The following FASTK variants were observed in gnomAD, a reference collection of about 807,000 sequenced individuals.
FASTK encodes the protein Fas activated serine/threonine kinase, also known as fas-activated serine/threonine kinase.
In FASTK, 28 loss-of-function variants were observed where a neutral mutation model predicts 60.0. The observed-to-expected ratio is 0.47, with a 90% confidence interval of 0.35 to 0.64. The LOEUF (loss-of-function observed/expected upper bound fraction) is 0.64, where lower values mean the gene tolerates loss of function less well. FASTK is among the 30% of genes least tolerant of loss of function. The probability of loss-of-function intolerance (pLI) is 0.01; values close to 1 mark genes in which losing one functional copy is unlikely to be tolerated. For missense variants in FASTK, 595 were observed against 713.8 expected (o/e 0.83, Z 1.90); for synonymous variants, 325 against 307.9 (o/e 1.06, Z -0.58).
In FASTK at chr7:151,077,250, G is replaced by C; in HGVS notation, c.1292-14C>G. On this transcript the variant is annotated splice_polypyrimidine_tract_variant and intron_variant, in intron 7 of 9. Coordinates refer to ENST00000297532, the MANE Select transcript of FASTK (RefSeq NM_006712.5). ...ACAGCAGGAAGTCTGGAGGGGAGCA[G>C]GGCCGGCGGCCTTAGCCAGGGCTCC... The C allele has an allele frequency of 6.2e-7, 1 of 1,612,242 alleles. No individual in the cohort carries two copies. Among genetic ancestry groups the C allele is most frequent in the Non-Finnish European group, 8.5e-7 (1 of 1,179,322 alleles).
At chr7:151,078,457 G>A (rs556816835) in intron 4 of FASTK, 105 bp downstream of exon 4, 3 of 1,274,222 alleles carry the variant, frequency 2.4e-6, no homozygotes, top group Non-Finnish European at 2.2e-6. Context: ...GACAGAGAGG[G>A]TGTGTCTGCT....
Position 151,079,290 on chromosome 7 carries a change from T to C in FASTK, c.505+210A>G, listed in dbSNP as rs1585012324. ...ATTATGGTGGCTTCCTAGGGCACTCTATTAGCAGGAATCTGGGGTGGCACC... is the reference window on the plus strand; with the variant it reads ...ATTATGGTGGCTTCCTAGGGCACTCCATTAGCAGGAATCTGGGGTGGCACC... On this transcript the variant is annotated intron_variant, in intron 2 of 9. Coordinates refer to ENST00000297532, the MANE Select transcript of FASTK (RefSeq NM_006712.5). 3.0e-5 allele frequency: 18 copies of C among 608,378 alleles called. No homozygotes were observed. In the East Asian group the frequency reaches 5.2e-4, roughly 18 times the overall value. The allele number at this position is 608,378 out of a possible 1,614,324, so 37.7% of individuals were successfully genotyped here.
intron 1 of FASTK, 77 bp downstream of exon 1, chr7:151,080,608 C>A: frequency 7.3e-7 from 1 of 1,367,734 alleles, no homozygotes; most frequent in South Asian, 1.7e-5. Flanking sequence ...CCAGGGACGC[C>A]AGGAGACCGT....
chr7:151,077,808 G>A (rs751125233), intron 5 of FASTK, 28 bp from the exon 6 acceptor site: 25 of 1,594,076 alleles, frequency 1.6e-5, no homozygotes, highest in East Asian at 2.3e-5. Flanking sequence ...CTGGGGCTCT[G>A]GGCTGCAGGC....
rs1468627949 is a variant in FASTK, at chr7:151,076,842, G to C, written c.1543-10C>G. On this transcript the variant is annotated splice_polypyrimidine_tract_variant and intron_variant, in intron 9 of 9. Transcript: ENST00000297532. ...GTTCCTCGAAGGGTAGCTGTGGGGA[G>C]AGGAGAGGGCGGCAGGTTACCCGCA... The C allele has an allele frequency of 1.9e-6, 3 of 1,606,770 alleles. No individual in the cohort carries two copies. The highest frequency in any genetic ancestry group is 2.2e-5 in the East Asian group (1 of 44,768).
At position 151,077,705 on chromosome 7, in the gene FASTK, T is replaced by C; in HGVS notation, c.1115A>G (p.Tyr372Cys). 6.3e-7 allele frequency: 1 copy of C among 1,591,112 alleles called. No individual in the cohort carries two copies. The highest frequency in any genetic ancestry group is 1.1e-5 in the South Asian group (1 of 88,268). ...DTAVELELPGYRGPRLPRRQQ... is the reference protein window; with the variant it reads ...DTAVELELPGCRGPRLPRRQQ... ...CCTTCGGGGAAGGCGGGGACCCCGG[T>C]ATCCTGGGAGCTCCAGCTCCACGGC... is the stretch of plus-strand genomic sequence containing the variant. The change falls in exon 6 of 10, where the codon TAC becomes TGC. Residue 372 changes from tyrosine (Y) to cysteine (C), a missense_variant. Physicochemically the swap from Tyr to Cys is radical, Grantham distance 194. This residue lies in a region of FASTK where 471 missense variants were observed against 605.9 expected (regional missense o/e 0.78). Coordinates refer to ENST00000297532, the MANE Select transcript of FASTK (RefSeq NM_006712.5).
chr7:151,077,257 C>CGGCCTT (rs758134278), intron 7 of FASTK, 21 bp from the exon 8 acceptor site: 2 of 1,611,686 alleles, frequency 1.2e-6, no homozygotes, highest in East Asian at 4.5e-5. Flanking sequence ...GCAGGGCCGG[C>CGGCCTT]GGCCTTAGCC....
chr7:151,078,767 C>T (rs1797813294), intron 3 of FASTK, 66 bp from the exon 4 acceptor site: 1 of 1,609,912 alleles, frequency 6.2e-7, no homozygotes, highest in East Asian at 2.2e-5. Context: ...TCCACCTCAG[C>T]CCAGCCAACT....
intron 1 of FASTK, chr7:151,080,367 G>A (rs34104727): frequency 0.14 from 112,705 of 778,032 alleles, 9,316 homozygotes; most frequent in South Asian, 0.24. Context: ...AGGCGGCGGC[G>A]GCACAGAGGG....
chr7:151,077,267 C>T (rs950707927), intron 7 of FASTK, 31 bp from the exon 8 acceptor site: 6 of 1,611,690 alleles, frequency 3.7e-6, no homozygotes, highest in Non-Finnish European at 5.1e-6. Flanking sequence ...CGGCCTTAGC[C>T]AGGGCTCCGT....
At position 151,076,747 on chromosome 7, in the gene FASTK, C is replaced by G. The variant is rs768536789; in HGVS notation, c.1628G>C (p.Arg543Pro). 6.2e-7 allele frequency: 1 copy of G among 1,605,600 alleles called. No individual in the cohort carries two copies. Among genetic ancestry groups the G allele is most frequent in the Non-Finnish European group, 8.5e-7 (1 of 1,175,824 alleles). ...CCCTCAGCCCCCTTCAGGCCCCCAG[C>G]GCAGGCCCAGGGCCTGGAGCTTCTG... ...LRQKLQALGL[R>P]WGPEGG Residue 543 changes from arginine to proline, a missense_variant, in exon 10 of 10, where the codon CGC (arginine) becomes CCC (proline). Arg to Pro is a moderately radical substitution (Grantham distance 103). Transcript: ENST00000297532.
Position 151,078,959 on chromosome 7 carries a change from G to A in FASTK, c.568C>T (p.Pro190Ser), listed in dbSNP as rs1240072645. 1.3e-6 allele frequency: 2 copies of A among 1,559,112 alleles called. No individual in the cohort carries two copies. The highest frequency in any genetic ancestry group is 1.7e-6 in the Non-Finnish European group (2 of 1,157,900). The stretch of plus-strand genomic sequence containing the variant: ...GGCTGCAAAGGGGGAGGTGGCTTCG[G>A]AGGGAGGCGGAGCCTTCGCTCCTGT... ...LEQERRLRLP[P>S]KPPPPLQPLL... The change falls in exon 3 of 10, where the codon CCG becomes TCG. Residue 190 changes from proline to serine, a missense_variant. Physicochemically the swap from Pro to Ser is moderately conservative, Grantham distance 74. Around this residue, in one of 2 missense-constraint regions of FASTK, gnomAD observed 471 missense variants for 605.9 expected, o/e 0.78. Transcript: ENST00000297532.
At chr7:151,078,121 G>C (rs1360831877) in intron 4 of FASTK, 29 bp from the exon 5 acceptor site, 2 of 1,501,494 alleles carry the variant, frequency 1.3e-6, no homozygotes, top group Non-Finnish European at 9.1e-7. Context: ...TCATTACCCA[G>C]TGTCAAGTAT....
At chr7:151,077,432 G>T in intron 6 of FASTK, 31 bp from the exon 7 acceptor site, 2 of 1,603,194 alleles carry the variant, frequency 1.2e-6, no homozygotes, top group African/African-American at 1.3e-5. Context: ...TAGCAGGAAG[G>T]GCCCGGCACC....
At chr7:151,078,815 C>T (rs779101784) in intron 3 of FASTK, 27 bp downstream of exon 3, 1 of 1,607,598 alleles carries the variant, frequency 6.2e-7, no homozygotes, top group Non-Finnish European at 8.5e-7. Flanking sequence ...CTCCCCACCC[C>T]CATCTGATTT....
At chr7:151,077,463 C>T in intron 6 of FASTK, 62 bp from the exon 7 acceptor site, 2 of 1,560,734 alleles carry the variant, frequency 1.3e-6, no homozygotes, top group Non-Finnish European at 8.8e-7. Context: ...CTGTCCCAGT[C>T]TAGTGCCACC....
rs778882914 is a variant in FASTK at position 151,076,692 on chromosome 7, T to TG, written c.*32dup. On this transcript the variant is annotated 3_prime_UTR_variant, in exon 10 of 10. Transcript: ENST00000297532. The stretch of plus-strand genomic sequence containing the variant: ...CAAAGTGCAAATCATCCACCCCCCA[T>TG]GGGGGGGCCATCCTGAACCCCACAT... 36 of 1,370,734 alleles carry TG rather than the reference T, an allele frequency of 2.6e-5. No homozygotes were observed. The highest frequency in any genetic ancestry group is 5.2e-4 in the Middle Eastern group (2 of 3,852). 84.9% of individuals were successfully genotyped at this position (1,370,734 alleles called of 1,614,324 possible). A position where few individuals can be genotyped will look rare whatever the true frequency, so the allele number is the denominator to read the frequency against.
In FASTK at chr7:151,076,823, C is replaced by T. The variant is rs770552582; in HGVS notation, c.1552G>A (p.Glu518Lys). The stretch of plus-strand genomic sequence containing the variant: ...AGGCCTCTCTGGGACTCCAGTTCCT[C>T]GAAGGGTAGCTGTGGGGAGAGGAGA... ...MGYQLLPLPF[E>K]ELESQRGLPQ... Residue 518 changes from glutamate (E) to lysine (K), a missense_variant, in exon 10 of 10, where the codon GAG becomes AAG. Glu to Lys is a moderately conservative substitution (Grantham distance 56). Coordinates refer to ENST00000297532, the MANE Select transcript of FASTK (RefSeq NM_006712.5). 9.3e-6 allele frequency: 15 copies of T among 1,610,716 alleles called. No individual in the cohort carries two copies. The highest frequency in any genetic ancestry group is 1.7e-4 in the Middle Eastern group (1 of 6,050).
intron 2 of FASTK, 38 bp downstream of exon 2, chr7:151,079,462 C>A: frequency 6.5e-7 from 1 of 1,538,578 alleles, no homozygotes; most frequent in Non-Finnish European, 8.8e-7. Context: ...TTCATTAACA[C>A]CTAGCCCCCC....
Sources: gnomAD v4.1 joint callset for allele counts on GRCh38, gnomAD v4.1.1 for gene constraint, gnomAD v4.1.1 regional missense constraint, MANE v1.5 for transcripts, NCBI Gene and HGNC (gene_info 2026-07-23, HGNC 2026-07-21) for gene names.